The following KCNJ3 variants were observed in gnomAD, a reference collection of about 807,000 sequenced individuals.
KCNJ3 encodes the protein G protein-activated inward rectifier potassium channel 1.
A neutral mutation model predicts 39.2 loss-of-function variants in KCNJ3; 4 were observed. The ratio of observed to expected loss-of-function variants is 0.10; its 90% CI spans 0.05 to 0.23. KCNJ3 has a LOEUF of 0.23. Ranked by LOEUF, KCNJ3 falls within the 10% of genes least tolerant of loss-of-function variation. KCNJ3 has a pLI of 1.00. For missense variants in KCNJ3, 276 were observed against 634.9 expected (o/e 0.43, Z 6.08); for synonymous variants, 230 against 237.4 (o/e 0.97, Z 0.29).
In KCNJ3 at chr2:154,854,974, A is replaced by G; in HGVS notation, c.1167A>G (p.Leu389=). 6.8e-6 allele frequency: 11 copies of G among 1,614,022 alleles called. No homozygotes were observed. The highest frequency in any genetic ancestry group is 9.3e-6 in the Non-Finnish European group (11 of 1,179,916). The change falls in exon 3 of 3, where the codon TTA becomes TTG. Residue 389 remains leucine (L), a synonymous_variant. Transcript: ENST00000295101. ...AAAGACATAATTCTGTGGAATGCTT[A>G]GATGGACTAGATGATATTACTACAA... ...SKERHNSVEC[L]DGLDDITTKL...
intron 2 of KCNJ3, among the ~76,000 whole-genome samples, chr2:154,732,182 T>C (rs1685458868): frequency 6.6e-6 from 1 of 152,106 alleles, no homozygotes. Flanking sequence ...CCTTATGAAA[T>C]GCAATTTGTA....
At chr2:154,711,922 TCC>T (rs1243815539) in intron 2 of KCNJ3, among the ~76,000 whole-genome samples, 1 of 152,160 alleles carries the variant, frequency 6.6e-6, no homozygotes, top group African/African-American at 2.4e-5. Context: ...GACAATACTT[TCC>T]ACAGAAAATG....
chr2:154,830,302 A>G (rs1376886302), intron 2 of KCNJ3, among the ~76,000 whole-genome samples: 3 of 152,208 alleles, frequency 2.0e-5, no homozygotes, highest in Non-Finnish European at 4.4e-5. Context: ...AGATCTGAAT[A>G]AAGTACAGTT....
chr2:154,756,340 T>C (rs1685935788), intron 2 of KCNJ3, among the ~76,000 whole-genome samples: 2 of 152,202 alleles, frequency 1.3e-5, no homozygotes, highest in Non-Finnish European at 2.9e-5. Context: ...CACTGTATTA[T>C]GTACTTATGC....
intron 2 of KCNJ3, among the ~76,000 whole-genome samples, chr2:154,807,877 C>T (rs1192658688): frequency 6.6e-6 from 1 of 151,996 alleles, no homozygotes; most frequent in Non-Finnish European, 1.5e-5. Flanking sequence ...ACAAAAAGAT[C>T]GTTAGTGTCT....
intron 2 of KCNJ3, among the ~76,000 whole-genome samples, chr2:154,797,072 T>C (rs1686732976): frequency 6.6e-6 from 1 of 152,178 alleles, no homozygotes; most frequent in South Asian, 2.1e-4. Flanking sequence ...TTAAGATTAC[T>C]GGTCTCTAGA....
At chr2:154,794,268 G>T (rs1686684318) in intron 2 of KCNJ3, among the ~76,000 whole-genome samples, 1 of 151,940 alleles carries the variant, frequency 6.6e-6, no homozygotes, top group African/African-American at 2.4e-5. Context: ...TCCTTTAAGA[G>T]AAATGATTTT....
At chr2:154,759,677 G>A (rs886758831) in intron 2 of KCNJ3, among the ~76,000 whole-genome samples, 1 of 151,892 alleles carries the variant, frequency 6.6e-6, no homozygotes, top group Non-Finnish European at 1.5e-5. Flanking sequence ...TCAAATCCAT[G>A]TATTGATTTT....
chr2:154,810,362 G>A (rs140984008), intron 2 of KCNJ3, among the ~76,000 whole-genome samples: 1 of 152,242 alleles, frequency 6.6e-6, no homozygotes, highest in East Asian at 1.9e-4. Flanking sequence ...GGGATTACAG[G>A]CATGAGCCAC....
At chr2:154,847,054 CT>C (rs1245414698) in intron 2 of KCNJ3, among the ~76,000 whole-genome samples, 1 of 152,110 alleles carries the variant, frequency 6.6e-6, no homozygotes, top group East Asian at 1.9e-4. Flanking sequence ...CGCTAAAAGT[CT>C]GTTTTGAGCA....
At chr2:154,757,961 T>G (rs1400416358) in intron 2 of KCNJ3, among the ~76,000 whole-genome samples, 2 of 152,174 alleles carry the variant, frequency 1.3e-5, no homozygotes, top group African/African-American at 2.4e-5. Context: ...TATATGAATT[T>G]GGGGAGGACA....
intron 2 of KCNJ3, among the ~76,000 whole-genome samples, chr2:154,848,732 G>C (rs1031094718): frequency 6.6e-6 from 1 of 152,114 alleles, no homozygotes; most frequent in African/African-American, 2.4e-5. Context: ...GGTTCAGAGA[G>C]GCAAAGCACC....
At chr2:154,792,121 A>G (rs1166636944) in intron 2 of KCNJ3, among the ~76,000 whole-genome samples, 1 of 152,066 alleles carries the variant, frequency 6.6e-6, no homozygotes, top group Non-Finnish European at 1.5e-5. Flanking sequence ...TGGGTGTACC[A>G]AAATGACAAG....
chr2:154,818,272 T>A (rs1019042160), intron 2 of KCNJ3, among the ~76,000 whole-genome samples: 1 of 152,068 alleles, frequency 6.6e-6, no homozygotes, highest in African/African-American at 2.4e-5. Flanking sequence ...TTCTTCGAAG[T>A]ATGGGTCTTG....
chr2:154,826,166 G>A (rs375014190), intron 2 of KCNJ3, among the ~76,000 whole-genome samples: 18 of 152,178 alleles, frequency 1.2e-4, no homozygotes, highest in Middle Eastern at 3.4e-3. Flanking sequence ...ATCCTTTGTC[G>A]TTTGGTTTCA....
At chr2:154,761,618 G>T (rs1686048045) in intron 2 of KCNJ3, among the ~76,000 whole-genome samples, 1 of 152,122 alleles carries the variant, frequency 6.6e-6, no homozygotes, top group South Asian at 2.1e-4. Context: ...CTTTCTAGGA[G>T]ACACATACAT....
Position 154,727,934 on chromosome 2 carries a change from A to G in KCNJ3, c.919+18115A>G, listed in dbSNP as rs371608388. On this transcript the variant is annotated intron_variant, in intron 2 of 2. Transcript: ENST00000295101. ...GCTTATAAGATATAATTTATAATAT[A>G]TATTTATTTAAAGTATATGGATAAT... is the stretch of plus-strand genomic sequence containing the variant. Among the ~76,000 whole-genome samples the G allele has an allele frequency of 1.1e-4, 17 of 150,346 alleles. 1 individual carries two copies. The East Asian group carries it at 3.3e-3, about 29-fold the overall frequency.
chr2:154,847,921 G>A (rs967447535), intron 2 of KCNJ3, among the ~76,000 whole-genome samples: 65 of 152,214 alleles, frequency 4.3e-4, no homozygotes, highest in African/African-American at 1.5e-3. Context: ...GGGCTGATAT[G>A]ACTTACTTAC....
At chr2:154,777,521 G>A (rs1020169125) in intron 2 of KCNJ3, among the ~76,000 whole-genome samples, 3 of 152,026 alleles carry the variant, frequency 2.0e-5, no homozygotes, top group Admixed American at 2.0e-4. Flanking sequence ...TTTCCGCTTC[G>A]CTTTTTCTCC....
Sources: allele counts gnomAD v4.1 joint callset (sites outside exome capture counted in the v4.1 genomes callset), GRCh38; gene constraint gnomAD v4.1.1; transcripts MANE v1.5; gene names NCBI Gene and HGNC (gene_info 2026-07-23, HGNC 2026-07-21).